Variants in CADM2 observed in about 807,000 individuals in gnomAD.
CADM2 encodes cell adhesion molecule 2, also known as immunoglobulin superfamily member 4D.
CADM2 carries 12 observed loss-of-function variants against 49.8 expected under a neutral mutation model. The ratio of observed to expected loss-of-function variants is 0.24; its 90% CI spans 0.15 to 0.39. The LOEUF is 0.39. Ranked by LOEUF, CADM2 falls within the 10% of genes least tolerant of loss-of-function variation. The pLI, the probability that CADM2 is intolerant of heterozygous loss-of-function variation, is 1.00. For missense variants in CADM2, 378 were observed against 492.3 expected (o/e 0.77, Z 2.20); for synonymous variants, 214 against 175.4 (o/e 1.22, Z -1.74).
rs552517526 is a variant in CADM2 at position 85,237,906 on chromosome 3, T to C, written c.61+278238T>C. Among the ~76,000 whole-genome samples, 10 of 151,996 alleles carry C rather than the reference T, an allele frequency of 6.6e-5. No homozygotes were observed. The South Asian group carries it at 2.1e-3, about 31-fold the overall frequency. On this transcript the variant is annotated intron_variant, in intron 1 of 9. Transcript: ENST00000383699. ...TTCTCTTAAAATTGAATTTCAATGT[T>C]TTTATTTGATCATATATTTTTTGGA...
At chr3:85,780,514 A>G (rs1206080535) in intron 2 of CADM2, among the ~76,000 whole-genome samples, 5 of 152,224 alleles carry the variant, frequency 3.3e-5, no homozygotes, top group Non-Finnish European at 7.3e-5. Flanking sequence ...CTTTTCTTAA[A>G]TCCTCTTATG....
chr3:85,248,000 A>G (rs942381507), intron 1 of CADM2, among the ~76,000 whole-genome samples: 2 of 152,196 alleles, frequency 1.3e-5, no homozygotes, highest in Non-Finnish European at 2.9e-5. Context: ...TGTTACAAAA[A>G]TTCATCATCT....
At chr3:86,015,041 A>G (rs1732036621) in intron 8 of CADM2, 1 of 836,360 alleles carries the variant, frequency 1.2e-6, no homozygotes, top group Non-Finnish European at 2.0e-6. Context: ...ACCTGGATTT[A>G]ATGGCGGACA....
At chr3:85,656,322 A>T (rs2065194200) in intron 1 of CADM2, among the ~76,000 whole-genome samples, 1 of 152,156 alleles carries the variant, frequency 6.6e-6, no homozygotes, top group Non-Finnish European at 1.5e-5. Context: ...ATAGCTTTAA[A>T]ATATTTAAGA....
At chr3:85,004,215 G>T (rs1182638680) in intron 1 of CADM2, among the ~76,000 whole-genome samples, 1 of 151,928 alleles carries the variant, frequency 6.6e-6, no homozygotes, top group South Asian at 2.1e-4. Context: ...TCAAATTCTG[G>T]TTGTAGAAGA....
chr3:85,543,743 A>G (rs532937553), intron 1 of CADM2, among the ~76,000 whole-genome samples: 2 of 152,274 alleles, frequency 1.3e-5, no homozygotes, highest in Non-Finnish European at 2.9e-5. Context: ...CTGCTATCAC[A>G]TGGCTGAAGG....
intron 1 of CADM2, among the ~76,000 whole-genome samples, chr3:85,620,135 C>T (rs2063928198): frequency 1.3e-5 from 2 of 151,954 alleles, no homozygotes; most frequent in African/African-American, 4.8e-5. Flanking sequence ...TCCTTGGGTA[C>T]CAGAGTGACA....
intron 8 of CADM2, among the ~76,000 whole-genome samples, chr3:86,055,031 A>G (rs961624441): frequency 6.6e-6 from 1 of 152,212 alleles, no homozygotes; most frequent in African/African-American, 2.4e-5. Context: ...CAGAATAAAA[A>G]GCAGCAATTT....
intron 1 of CADM2, among the ~76,000 whole-genome samples, chr3:85,714,916 G>A (rs1289692499): frequency 6.6e-6 from 1 of 151,836 alleles, no homozygotes; most frequent in African/African-American, 2.4e-5. Flanking sequence ...CAATAAATGT[G>A]CTTACTAGGT....
At chr3:85,368,599 T>C (rs2107308646) in intron 1 of CADM2, among the ~76,000 whole-genome samples, 1 of 151,566 alleles carries the variant, frequency 6.6e-6, no homozygotes, top group East Asian at 1.9e-4. Flanking sequence ...TATCAAGCAA[T>C]GTAAAACCTA....
chr3:85,268,822 T>C, intron 1 of CADM2, among the ~76,000 whole-genome samples: 1 of 151,392 alleles, frequency 6.6e-6, no homozygotes, highest in South Asian at 2.1e-4. Context: ...AACTATGTTC[T>C]ATAAGGGGAA....
At chr3:85,188,736 A>G (rs2041127161) in intron 1 of CADM2, among the ~76,000 whole-genome samples, 1 of 152,092 alleles carries the variant, frequency 6.6e-6, no homozygotes, top group African/African-American at 2.4e-5. Flanking sequence ...TAAGTACTTT[A>G]AAAATGAAGA....
chr3:85,137,072 ATAAT>A (rs1429687443), intron 1 of CADM2, among the ~76,000 whole-genome samples: 1 of 151,956 alleles, frequency 6.6e-6, no homozygotes, highest in Non-Finnish European at 1.5e-5. Flanking sequence ...AAAAGCATAA[ATAAT>A]TAATCATCTA....
chr3:85,456,670 C>T (rs2038005525), intron 1 of CADM2, among the ~76,000 whole-genome samples: 1 of 151,828 alleles, frequency 6.6e-6, no homozygotes, highest in South Asian at 2.1e-4. Flanking sequence ...ACTTTGGTTT[C>T]TAATATCAAT....
chr3:85,641,931 A>C (rs2107554299), intron 1 of CADM2, among the ~76,000 whole-genome samples: 1 of 152,070 alleles, frequency 6.6e-6, no homozygotes, highest in Non-Finnish European at 1.5e-5. Context: ...ACTCCGTCTC[A>C]AAAAAAATTA....
At chr3:84,974,677 CAACT>C (rs1370214825) in intron 1 of CADM2, among the ~76,000 whole-genome samples, 2 of 151,792 alleles carry the variant, frequency 1.3e-5, no homozygotes, top group Non-Finnish European at 2.9e-5. Flanking sequence ...TTTTACTAAC[CAACT>C]AAGTTTATAT....
In CADM2 at chr3:86,030,561, T is replaced by G. The variant is rs1233901350; in HGVS notation, c.971-35044T>G. The stretch of plus-strand genomic sequence containing the variant: ...GTGGTAATTAAATATGAATGTTAAA[T>G]TGGTTTACTGATTTTCAGATTTGCC... On this transcript the variant is annotated intron_variant, in intron 8 of 9. Transcript: ENST00000383699. Among the ~76,000 whole-genome samples the G allele has an allele frequency of 2.0e-5, 3 of 152,118 alleles. No individual in the cohort carries two copies. The East Asian group carries it at 5.8e-4, about 29-fold the overall frequency.
intron 1 of CADM2, among the ~76,000 whole-genome samples, chr3:85,335,479 AT>A (rs2045055473): frequency 6.6e-6 from 1 of 151,476 alleles, no homozygotes; most frequent in Admixed American, 6.6e-5. Context: ...GTACAGTGTT[AT>A]GTGTCAATAC....
At chr3:85,801,061 T>G (rs2071996854) in intron 2 of CADM2, 1 of 152,204 alleles carries the variant, frequency 6.6e-6, no homozygotes, top group Non-Finnish European at 1.5e-5. Context: ...CATAATAATA[T>G]TTTAACCTGG....
Sources: gnomAD v4.1 joint callset for allele counts (sites outside exome capture counted in the v4.1 genomes callset) on GRCh38, gnomAD v4.1.1 for gene constraint, MANE v1.5 for transcripts, NCBI Gene and HGNC (gene_info 2026-07-23, HGNC 2026-07-21) for gene names.